MYH7B: variants seen among roughly 807,000 people sequenced by gnomAD.
MYH7B encodes myosin-7B.
Under a neutral mutation model 234.5 loss-of-function variants are expected in MYH7B, and 205 were observed. The ratio of observed to expected loss-of-function variants is 0.87; its 90% CI spans 0.78 to 0.98. MYH7B has a LOEUF of 0.98. Ranked by LOEUF, MYH7B falls within the 50% of genes least tolerant of loss-of-function variation. MYH7B has a pLI of 0.00. For missense variants in MYH7B, 2,652 were observed against 2,633.4 expected, an observed-to-expected ratio of 1.01 and a Z score of -0.15; for synonymous variants, 1,193 against 1,105.0, an observed-to-expected ratio of 1.08 and a Z score of -1.58.
chr20:34,960,360 C>T (rs1431433292), intron 2 of MYH7B, among the ~76,000 whole-genome samples: 2 of 152,150 alleles, frequency 1.3e-5, no homozygotes, highest in Non-Finnish European at 2.9e-5. Flanking sequence ...CTCAGCCTCC[C>T]GAGTAGCTGG....
chr20:34,986,347 C>A, intron 14 of MYH7B, 149 bp downstream of exon 14: 1 of 657,290 alleles, frequency 1.5e-6, no homozygotes, highest in Non-Finnish European at 2.6e-6. Flanking sequence ...CTTTTGGTTA[C>A]TTTCCTGCTA....
In MYH7B at chr20:34,987,185, A is replaced by C. The variant is rs1284276701; in HGVS notation, c.1045A>C (p.Lys349Gln). ...CATCCTAGGCTTCAGCGTGGATGAG[A>C]AATGTGCCTGCTATAAGATCGTGGG... The change falls in exon 16 of 45, where the codon AAA becomes CAA. Residue 349 changes from lysine to glutamine, a missense_variant. By Grantham distance (53) the Lys-to-Gln change is moderately conservative (BLOSUM62 1). Coordinates refer to ENST00000262873, the Ensembl canonical transcript of MYH7B. 1.9e-6 allele frequency: 3 copies of C among 1,613,274 alleles called. No individual in the cohort carries two copies. The South Asian group carries it at 3.3e-5, about 18-fold the overall frequency.
At chr20:34,996,961 G>A (rs531953444) in intron 30 of MYH7B, 122 bp from the exon 31 acceptor site, 2 of 1,229,530 alleles carry the variant, frequency 1.6e-6, no homozygotes, top group South Asian at 2.9e-5. Context: ...TCAGGGCCCA[G>A]TGCAGCAGGT....
chr20:34,994,929 G>A (rs937560848), intron 27 of MYH7B, among the ~76,000 whole-genome samples: 1 of 152,238 alleles, frequency 6.6e-6, no homozygotes, highest in African/African-American at 2.4e-5. Context: ...AGACTGTGAC[G>A]CAGCTGGACA....
intron 19 of MYH7B, among the ~76,000 whole-genome samples, 195 bp from the exon 20 acceptor site, chr20:34,989,545 G>A (rs139496637): frequency 1.0e-3 from 155 of 152,304 alleles, no homozygotes; most frequent in African/African-American, 3.3e-3. Context: ...GAGGGGACTG[G>A]AGCCAAGCCA....
In MYH7B at chr20:34,999,711, C is replaced by T. The variant is rs1233065086; in HGVS notation, c.4665+16C>T. ...GGAGGCAGAGGTCAGGGGCTGGCTG[C>T]AGGGGTGGGTGGACACTGACCTGCT... On this transcript the variant is annotated intron_variant, in intron 37 of 44. Transcript: ENST00000262873. The T allele has an allele frequency of 6.2e-7, 1 of 1,611,046 alleles. No homozygotes were observed. Among genetic ancestry groups the T allele is most frequent in the African/African-American group, 1.3e-5 (1 of 74,620 alleles).
chr20:34,986,077 A>C, intron 13 of MYH7B, 23 bp from the exon 14 acceptor site: 1 of 1,553,116 alleles, frequency 6.4e-7, no homozygotes, highest in East Asian at 2.4e-5. Context: ...GGGAGATGGC[A>C]GGCCAGCGTC....
At chr20:34,985,445 A>ACT (rs2082003304) in intron 13 of MYH7B, among the ~76,000 whole-genome samples, 1 of 151,982 alleles carries the variant, frequency 6.6e-6, no homozygotes, top group African/African-American at 2.4e-5. Flanking sequence ...GGCTCCTGTG[A>ACT]CTGCACCCCT....
At chr20:34,991,894 G>A (rs2082157082) in intron 24 of MYH7B, among the ~76,000 whole-genome samples, 1 of 152,224 alleles carries the variant, frequency 6.6e-6, no homozygotes, top group Admixed American at 6.5e-5. Flanking sequence ...ATCCCCAGGC[G>A]TATGCCTGCC....
At chr20:34,987,257 G>A in exon 16 of MYH7B, 1 of 1,611,676 alleles carries the variant, frequency 6.2e-7, no homozygotes, top group Non-Finnish European at 8.5e-7. Flanking sequence ...GAAGCAGCGG[G>A]AGGAGCAGGC....
chr20:35,001,269 G>GATGCAGAGCAGAAGAAGC (rs775566067), exon 42 of MYH7B: 2 of 1,612,244 alleles, frequency 1.2e-6, no homozygotes, highest in East Asian at 4.5e-5. Flanking sequence ...GGCTGAGCTT[G>GATGCAGAGCAGAAGAAGC]ATGCAGAGCA....
Position 35,000,899 on chromosome 20 carries a change from G to A in MYH7B, c.5304+6G>A. The A allele has an allele frequency of 9.4e-7, 1 of 1,064,414 alleles. No homozygotes were observed. Among genetic ancestry groups the A allele is most frequent in the Non-Finnish European group, 1.3e-6 (1 of 783,526 alleles). 65.9% of individuals were successfully genotyped at this position (1,064,414 alleles called of 1,614,324 possible). A position where few individuals can be genotyped will look rare whatever the true frequency, so the allele number is the denominator to read the frequency against. On this transcript the variant is annotated splice_donor_region_variant and intron_variant, in intron 40 of 44. Coordinates refer to ENST00000262873, the Ensembl canonical transcript of MYH7B. ...CCAAAAAGGCCATCACTGATGTGAG[G>A]CTGGGCAAGGGCTGTGGGGAGCCTG...
intron 2 of MYH7B, among the ~76,000 whole-genome samples, 106 bp downstream of exon 2, chr20:34,958,318 T>C (rs190249336): frequency 5.9e-5 from 9 of 152,296 alleles, no homozygotes; most frequent in Admixed American, 5.9e-4. Flanking sequence ...AGTGAAGGAC[T>C]CTTGACTAAG....
chr20:34,964,987 G>A (rs901480296), intron 2 of MYH7B, among the ~76,000 whole-genome samples: 4 of 152,134 alleles, frequency 2.6e-5, no homozygotes, highest in Non-Finnish European at 4.4e-5. Context: ...AGGCACTTAC[G>A]CCTTTTCTTT....
intron 10 of MYH7B, among the ~76,000 whole-genome samples, chr20:34,983,103 G>A (rs911075403): frequency 6.6e-6 from 1 of 152,022 alleles, no homozygotes; most frequent in African/African-American, 2.4e-5. Flanking sequence ...CTAGCCTTGG[G>A]GCCAGTTGTT....
intron 2 of MYH7B, among the ~76,000 whole-genome samples, chr20:34,959,991 C>A (rs769984285): frequency 3.3e-5 from 5 of 152,164 alleles, no homozygotes; most frequent in Non-Finnish European, 7.4e-5. Flanking sequence ...ATCACAGCAG[C>A]AGTGTCAGCC....
chr20:34,968,645 G>A (rs761876975), intron 2 of MYH7B, among the ~76,000 whole-genome samples: 13 of 152,156 alleles, frequency 8.5e-5, no homozygotes, highest in African/African-American at 2.7e-4. Flanking sequence ...TGGAGCCTGC[G>A]GTTGGGCCAC....
intron 24 of MYH7B, among the ~76,000 whole-genome samples, chr20:34,991,538 GCCTCCAGCAGACAT>G (rs2147212445): frequency 6.6e-6 from 1 of 152,294 alleles, no homozygotes; most frequent in East Asian, 1.9e-4. Flanking sequence ...GGTTTGAAAT[GCCTCCAGCAGACAT>G]CCTAGAAAAG....
intron 10 of MYH7B, among the ~76,000 whole-genome samples, chr20:34,983,520 C>T (rs570216085): frequency 3.9e-4 from 60 of 151,986 alleles, no homozygotes; most frequent in African/African-American, 1.4e-3. Context: ...AGGGAGAGGC[C>T]AGAGCTGGCA....
Sources: gnomAD v4.1 joint callset for allele counts (sites outside exome capture counted in the v4.1 genomes callset) on GRCh38, gnomAD v4.1.1 for gene constraint, MANE v1.5 for transcripts, NCBI Gene and HGNC (gene_info 2026-07-23, HGNC 2026-07-21) for gene names.